CEP112: variants seen among roughly 807,000 people sequenced by gnomAD.
CEP112 encodes centrosomal protein 112, also known as centrosomal protein of 112 kDa.
In CEP112, 127 loss-of-function variants were observed where a neutral mutation model predicts 153.0. The observed-to-expected ratio is 0.83, with a 90% CI of 0.72 to 0.96. The LOEUF (loss-of-function observed/expected upper bound fraction) is 0.96. Ranked by LOEUF, CEP112 falls within the 40% of genes least tolerant of loss-of-function variation. The probability of loss-of-function intolerance (pLI) is 0.00; values close to 1 mark genes in which losing one functional copy is unlikely to be tolerated. For synonymous variants in CEP112, 358 were observed against 374.4 expected (o/e 0.96, Z 0.51); for missense variants, 1,089 against 1,101.2 (o/e 0.99, Z 0.16).
intron 6 of CEP112, among the ~76,000 whole-genome samples, chr17:66,128,089 G>T (rs1330243804): frequency 6.6e-6 from 1 of 151,982 alleles, no homozygotes; most frequent in East Asian, 1.9e-4. Context: ...TCACCTGAGG[G>T]TCGGGAGTTC....
intron 11 of CEP112, among the ~76,000 whole-genome samples, chr17:66,058,830 T>TA (rs749374306): frequency 6.6e-5 from 10 of 152,120 alleles, no homozygotes; most frequent in Admixed American, 2.0e-4. Context: ...CCAGACTGGG[T>TA]GACAGAGCAA....
At chr17:65,824,221 A>G (rs1375472316) in intron 21 of CEP112, among the ~76,000 whole-genome samples, 1 of 152,216 alleles carries the variant, frequency 6.6e-6, no homozygotes, top group African/African-American at 2.4e-5. Context: ...GAATACTACT[A>G]AGCAATAAAA....
At chr17:66,101,547 A>C (rs1208244782) in intron 6 of CEP112, among the ~76,000 whole-genome samples, 1 of 152,112 alleles carries the variant, frequency 6.6e-6, no homozygotes, top group East Asian at 1.9e-4. Flanking sequence ...AATAAGGCAA[A>C]ATCACAAAAT....
chr17:65,949,070 T>C (rs989208785), intron 18 of CEP112, among the ~76,000 whole-genome samples: 3 of 152,152 alleles, frequency 2.0e-5, no homozygotes, highest in African/African-American at 4.8e-5. Context: ...TGACTGCTGA[T>C]TGATTTCTTT....
chr17:66,164,952 T>C (rs2071888197), intron 4 of CEP112, among the ~76,000 whole-genome samples: 1 of 150,012 alleles, frequency 6.7e-6, no homozygotes, highest in African/African-American at 2.5e-5. Flanking sequence ...TCTTTTTTGT[T>C]AGTAGGAGCT....
intron 23 of CEP112, among the ~76,000 whole-genome samples, chr17:65,701,002 T>TA (rs1158871181): frequency 4.6e-5 from 7 of 152,148 alleles, no homozygotes; most frequent in Non-Finnish European, 1.0e-4. Flanking sequence ...TTAGAAACTC[T>TA]AAAAATGAAA....
At chr17:65,878,034 AG>A (rs1304813844) in intron 20 of CEP112, among the ~76,000 whole-genome samples, 6 of 152,228 alleles carry the variant, frequency 3.9e-5, no homozygotes, top group Non-Finnish European at 2.9e-5. Context: ...TCCTCATTCC[AG>A]GGAGCATTGG....
chr17:65,703,822 A>T (rs1003246328), intron 23 of CEP112, among the ~76,000 whole-genome samples: 5 of 151,726 alleles, frequency 3.3e-5, no homozygotes, highest in African/African-American at 1.2e-4. Flanking sequence ...TACAAAAAAA[A>T]AAACCCAGAA....
intron 17 of CEP112, among the ~76,000 whole-genome samples, chr17:65,969,918 A>C (rs1053404444): frequency 6.6e-6 from 1 of 150,594 alleles, no homozygotes; most frequent in Non-Finnish European, 1.5e-5. Context: ...TATTACATGC[A>C]TATCACATGC....
intron 6 of CEP112, among the ~76,000 whole-genome samples, chr17:66,106,306 A>G (rs2068779588): frequency 6.6e-6 from 1 of 152,102 alleles, no homozygotes; most frequent in Non-Finnish European, 1.5e-5. Context: ...TAAAGATCAG[A>G]GCAGAAATAA....
chr17:65,873,642 A>G (rs1391742169), intron 20 of CEP112: 1 of 152,198 alleles, frequency 6.6e-6, no homozygotes, highest in Non-Finnish European at 1.5e-5. Context: ...ACTACCTGCA[A>G]AATGTTGAAA....
At chr17:66,098,804 G>A (rs897612734) in intron 6 of CEP112, among the ~76,000 whole-genome samples, 2 of 152,134 alleles carry the variant, frequency 1.3e-5, no homozygotes, top group Non-Finnish European at 2.9e-5. Context: ...TCATAAAAAG[G>A]AGAAAGGGAA....
In CEP112 at chr17:65,902,097, G is replaced by A. The variant is rs1030897781; in HGVS notation, c.2163+55C>T. ...TAAGAATAATAAGAAAACATTAAAC[G>A]CTGATGACTTTTTAAAAACAGATAC... is the stretch of plus-strand genomic sequence containing the variant. On this transcript the variant is annotated intron_variant, in intron 20 of 26. Transcript: ENST00000535342. The A allele has an allele frequency of 1.1e-5, 14 of 1,310,194 alleles. 1 individual carries two copies. The highest frequency in any genetic ancestry group is 7.8e-5 in the South Asian group (6 of 77,264). 81.2% of individuals were successfully genotyped at this position (1,310,194 alleles called of 1,614,324 possible).
chr17:66,034,965 A>G (rs1197197346), intron 12 of CEP112, among the ~76,000 whole-genome samples: 1 of 31,570 alleles, frequency 3.2e-5, no homozygotes, highest in African/African-American at 7.1e-5. Flanking sequence ...TGCCCAGCTA[A>G]GTTTTTGCAT....
At chr17:65,692,352 C>A (rs1286079058) in intron 23 of CEP112, among the ~76,000 whole-genome samples, 1 of 151,702 alleles carries the variant, frequency 6.6e-6, no homozygotes, top group African/African-American at 2.4e-5. Flanking sequence ...CCTCAGCCTC[C>A]AAGTAGCTGG....
intron 17 of CEP112, among the ~76,000 whole-genome samples, chr17:65,988,962 C>T (rs139105749): frequency 2.6e-5 from 4 of 152,124 alleles, no homozygotes; most frequent in Non-Finnish European, 4.4e-5. Context: ...TGGTGGCTCA[C>T]GCCTGTAATC....
intron 23 of CEP112, among the ~76,000 whole-genome samples, chr17:65,698,193 C>T (rs61322603): frequency 0.015 from 2,244 of 152,238 alleles, 59 homozygotes; most frequent in African/African-American, 0.051. Context: ...ATTCCTTCCA[C>T]GTGAAAACTT....
chr17:65,963,638 T>TATATAGATATCGATATAGATATAG (rs2062296731), intron 17 of CEP112, among the ~76,000 whole-genome samples: 3 of 151,726 alleles, frequency 2.0e-5, no homozygotes, highest in Non-Finnish European at 4.4e-5. Flanking sequence ...ACAATATAGA[T>TATATAGATATCGATATAGATATAG]ATATAGATAT....
At chr17:65,807,603 C>A (rs918853977) in intron 21 of CEP112, among the ~76,000 whole-genome samples, 1 of 152,168 alleles carries the variant, frequency 6.6e-6, no homozygotes, top group African/African-American at 2.4e-5. Flanking sequence ...GGACATGGCA[C>A]CCTGTATCCC....
Sources: allele counts gnomAD v4.1 joint callset (sites outside exome capture counted in the v4.1 genomes callset), GRCh38; gene constraint gnomAD v4.1.1; transcripts MANE v1.5; gene names NCBI Gene and HGNC (gene_info 2026-07-23, HGNC 2026-07-21).